HERC1: variants seen among roughly 807,000 people sequenced by gnomAD.
HERC1 encodes the protein HECT and RLD domain containing E3 ubiquitin protein ligase family member 1, also known as probable E3 ubiquitin-protein ligase HERC1.
In HERC1, 160 loss-of-function variants were observed where a neutral mutation model predicts 554.3. The ratio of observed to expected loss-of-function variants is 0.29; its 90% CI spans 0.25 to 0.33. HERC1 has a LOEUF of 0.33. Among genes scored for constraint, HERC1 ranks in the 10% least tolerant of loss-of-function variants. The pLI is 1.00. For synonymous variants in HERC1, 2,175 were observed against 2,131.7 expected (o/e 1.02, Z -0.56); for missense variants, 4,919 against 5,918.5 (o/e 0.83, Z 5.54).
intron 22 of HERC1, among the ~76,000 whole-genome samples, chr15:63,715,634 T>C (rs759124846): frequency 4.6e-5 from 7 of 152,184 alleles, no homozygotes; most frequent in Admixed American, 3.3e-4. Context: ...GCATTGCTGA[T>C]CATGTTTTAG....
At chr15:63,774,205 G>C (rs972944914) in intron 2 of HERC1, among the ~76,000 whole-genome samples, 3 of 152,084 alleles carry the variant, frequency 2.0e-5, no homozygotes, top group African/African-American at 7.2e-5. Flanking sequence ...TTCACTACCT[G>C]AAATTATATA....
Position 63,641,460 on chromosome 15 carries a change from A to G in HERC1, c.11607+10T>C. 6.2e-7 allele frequency: 1 copy of G among 1,605,988 alleles called. No individual in the cohort carries two copies. The highest frequency in any genetic ancestry group is 8.5e-7 in the Non-Finnish European group (1 of 1,174,706). Reference sequence around the variant, plus strand: ...TCTGTGTATCTCTAGGAGTGAGTGTAATGAGTTACCTTTTCATAGGCATAC... The same window carrying G: ...TCTGTGTATCTCTAGGAGTGAGTGTGATGAGTTACCTTTTCATAGGCATAC... On this transcript the variant is annotated intron_variant, in intron 60 of 77. Coordinates refer to ENST00000443617, the MANE Select transcript of HERC1 (RefSeq NM_003922.4).
chr15:63,744,311 C>A (rs1196482459), intron 12 of HERC1, among the ~76,000 whole-genome samples: 2 of 152,174 alleles, frequency 1.3e-5, no homozygotes, highest in Non-Finnish European at 2.9e-5. Context: ...CAGCACAGCA[C>A]TGGGTCTCAC....
Position 63,810,489 on chromosome 15 carries a change from A to C in HERC1, c.-27+23338T>G, listed in dbSNP as rs995357533. ...GTGGTTGAAAATCTCTGGAAGACAC[A>C]TAAGAAACCAATGACAGTTAACTCT... On this transcript the variant is annotated intron_variant, in intron 1 of 77. Transcript: ENST00000443617. 2.0e-5 allele frequency among the ~76,000 whole-genome samples: 3 copies of C among 152,214 alleles called. No homozygotes were observed. The East Asian group carries it at 5.8e-4, about 29-fold the overall frequency.
At position 63,706,769 on chromosome 15, in the gene HERC1, C is replaced by T. The variant is rs760696348; in HGVS notation, c.4636+11G>A. 3 of 1,498,848 alleles carry T rather than the reference C, an allele frequency of 2.0e-6. No individual in the cohort carries two copies. The highest frequency in any genetic ancestry group is 2.7e-6 in the Non-Finnish European group (3 of 1,103,762). The allele number at this position is 1,498,848 out of a possible 1,614,324, so 92.8% of individuals were successfully genotyped here. A position where few individuals can be genotyped will look rare whatever the true frequency, so the allele number is the denominator to read the frequency against. ...TAAGATATTTACTATGTTCTTAATA[C>T]TTACACTTACCTCTCTTTCTGTGAG... On this transcript the variant is annotated intron_variant, in intron 25 of 77. Transcript: ENST00000443617.
rs1369140493 is a variant in HERC1 at position 63,727,006 on chromosome 15, G to A, written c.3346+641C>T. Among the ~76,000 whole-genome samples the A allele has an allele frequency of 2.0e-5, 3 of 152,122 alleles. No individual in the cohort carries two copies. Among genetic ancestry groups the A allele is most frequent in the South Asian group, 2.1e-4 (1 of 4,820 alleles). On this transcript the variant is annotated intron_variant, in intron 17 of 77. Coordinates refer to ENST00000443617, the MANE Select transcript of HERC1 (RefSeq NM_003922.4). The surrounding 1 kb of genome is among the most constrained non-coding windows in gnomAD (Gnocchi z 4.3). ...AGAAAAGAATAAACTGGCCAGGGGC[G>A]GTGGCTCCCGTCTGTAATCCCAGCA...
chr15:63,816,017 G>A (rs562889800), intron 1 of HERC1, among the ~76,000 whole-genome samples: 2 of 152,104 alleles, frequency 1.3e-5, no homozygotes, highest in Admixed American at 1.3e-4. Flanking sequence ...ACCTCCCACC[G>A]GGTCCCTCCC....
At chr15:63,644,797 C>A (rs1408571079) in intron 57 of HERC1, among the ~76,000 whole-genome samples, 195 bp downstream of exon 57, 1 of 152,178 alleles carries the variant, frequency 6.6e-6, no homozygotes, top group Non-Finnish European at 1.5e-5. Flanking sequence ...TAGAATATCT[C>A]ATTTTACCAA....
intron 1 of HERC1, among the ~76,000 whole-genome samples, chr15:63,806,433 CT>C (rs1295498061): frequency 1.3e-5 from 2 of 152,182 alleles, no homozygotes; most frequent in African/African-American, 4.8e-5. Context: ...TCCTCTAACT[CT>C]CTTACTTTTG....
intron 13 of HERC1, among the ~76,000 whole-genome samples, chr15:63,733,730 T>C (rs1446968963): frequency 1.2e-4 from 18 of 152,118 alleles, no homozygotes; most frequent in Admixed American, 1.1e-3. Context: ...TGCATGCCTG[T>C]AGTTTCAGCT....
chr15:63,683,073 T>C (rs1003834645), intron 34 of HERC1, among the ~76,000 whole-genome samples: 1 of 149,146 alleles, frequency 6.7e-6, no homozygotes, highest in South Asian at 2.1e-4. Flanking sequence ...CAGGTGGAGG[T>C]TGCAGGGAGC....
At chr15:63,619,750 C>G (rs932720514) in intron 74 of HERC1, among the ~76,000 whole-genome samples, 8 of 152,116 alleles carry the variant, frequency 5.3e-5, no homozygotes, top group Non-Finnish European at 1.5e-5. Flanking sequence ...GGAATTTATC[C>G]ATTTCTTCTA....
rs539857075 is a variant in HERC1, at chr15:63,766,245, T to C, written c.931-2054A>G. 2.7e-5 allele frequency among the ~76,000 whole-genome samples: 4 copies of C among 146,330 alleles called. No homozygotes were observed. In the South Asian group the frequency reaches 8.7e-4, roughly 32 times the overall value. ...ATCCGATTAATTTGATTAATACTAATTTATTTATGTTATATTATATATTAG... is the reference window on the plus strand; with the variant it reads ...ATCCGATTAATTTGATTAATACTAACTTATTTATGTTATATTATATATTAG... On this transcript the variant is annotated intron_variant, in intron 2 of 77. Coordinates refer to ENST00000443617, the MANE Select transcript of HERC1 (RefSeq NM_003922.4).
At position 63,623,912 on chromosome 15, in the gene HERC1, C is replaced by T. The variant is rs368755226; in HGVS notation, c.13446-22G>A. 2.0e-5 allele frequency: 33 copies of T among 1,609,984 alleles called. No individual in the cohort carries two copies. The African/African-American group carries it at 4.0e-4, about 20-fold the overall frequency. ...TCCTCTTTAAAAGAAAGGGAGAAAG[C>T]AATGAAATACAACTCTTACCAATTT... On this transcript the variant is annotated intron_variant, in intron 72 of 77. Coordinates refer to ENST00000443617, the MANE Select transcript of HERC1 (RefSeq NM_003922.4).
In HERC1 at chr15:63,784,535, G is replaced by A. The variant is rs980769145; in HGVS notation, c.-26-8886C>T. Among the ~76,000 whole-genome samples the A allele has an allele frequency of 3.0e-4, 46 of 152,034 alleles. 1 individual carries two copies. Among genetic ancestry groups the A allele is most frequent in the Admixed American group, 2.5e-3 (38 of 15,252 alleles). On this transcript the variant is annotated intron_variant, in intron 1 of 77. Transcript: ENST00000443617. ...AGGAGAATTGGGTTACTGGGAGCTG[G>A]GGTAGGAAAGATATTTGCTCTTCAC...
At chr15:63,656,652 C>T (rs1331113440) in intron 48 of HERC1, among the ~76,000 whole-genome samples, 1 of 152,186 alleles carries the variant, frequency 6.6e-6, no homozygotes, top group Non-Finnish European at 1.5e-5. Context: ...ACCCATGTCA[C>T]CGCCCTCCAG....
At chr15:63,825,324 C>T (rs1352029914) in intron 1 of HERC1, among the ~76,000 whole-genome samples, 3 of 151,854 alleles carry the variant, frequency 2.0e-5, no homozygotes, top group Non-Finnish European at 4.4e-5. Flanking sequence ...TTAGCAAGAG[C>T]AATATAATTA....
At chr15:63,736,854 A>C (rs1044155094) in intron 12 of HERC1, among the ~76,000 whole-genome samples, 44 of 151,848 alleles carry the variant, frequency 2.9e-4, no homozygotes, top group African/African-American at 9.7e-4. Flanking sequence ...TGATCTGCCC[A>C]CCTCAGCCTC....
At chr15:63,632,584 G>A in intron 68 of HERC1, 125 bp downstream of exon 68, 1 of 709,890 alleles carries the variant, frequency 1.4e-6, no homozygotes, top group Non-Finnish European at 2.6e-6. Context: ...ACTGAAAGGA[G>A]GTCATAGTGA....
Sources: allele counts gnomAD v4.1 joint callset (sites outside exome capture counted in the v4.1 genomes callset), GRCh38; gene constraint gnomAD v4.1.1; non-coding constraint Gnocchi (gnomAD v3.1); transcripts MANE v1.5; gene names NCBI Gene and HGNC (gene_info 2026-07-23, HGNC 2026-07-21).